Variants in P2RY12 observed in about 807,000 individuals in gnomAD.
The protein encoded by P2RY12 is P2Y purinoceptor 12.
A neutral mutation model predicts 4.5 loss-of-function variants in P2RY12; 3 were observed. The ratio of observed to expected loss-of-function variants is 0.67; its 90% confidence interval spans 0.31 to 1.74. P2RY12 has a LOEUF of 1.74. Among genes scored for constraint, P2RY12 ranks in the 40% most tolerant of loss-of-function variants. P2RY12 has a pLI of 0.09. For synonymous variants in P2RY12, 148 were observed against 154.1 expected, an observed-to-expected ratio of 0.96 and a Z score of 0.29; for missense variants, 356 against 407.8, an observed-to-expected ratio of 0.87 and a Z score of 1.09.
intron 1 of P2RY12, among the ~76,000 whole-genome samples, chr3:151,357,043 C>T (rs993586418): frequency 6.6e-6 from 1 of 151,902 alleles, no homozygotes; most frequent in African/African-American, 2.4e-5. Context: ...GATGTCTAGA[C>T]AGAAGAACAA....
At chr3:151,355,845 A>G in intron 1 of P2RY12, 2 of 1,485,304 alleles carry the variant, frequency 1.3e-6, no homozygotes, top group Non-Finnish European at 1.8e-6. Context: ...ATCTTAGTAA[A>G]AGATTATTTA....
chr3:151,368,257 C>G, intron 1 of P2RY12: 27 of 1,610,288 alleles, frequency 1.7e-5, no homozygotes, highest in Non-Finnish European at 2.3e-5. Context: ...AACGGGTGAG[C>G]TGACTGCAGA....
At chr3:151,372,806 CTCT>C in intron 1 of P2RY12, 1 of 1,541,474 alleles carries the variant, frequency 6.5e-7, no homozygotes, top group Non-Finnish European at 9.0e-7. Context: ...GAGTACGTAA[CTCT>C]TCTTTTGGAG....
chr3:151,356,274 C>G (rs2150053938), intron 1 of P2RY12, among the ~76,000 whole-genome samples: 1 of 152,116 alleles, frequency 6.6e-6, no homozygotes, highest in East Asian at 1.9e-4. Context: ...TGCCTGTAGT[C>G]CCAGCTACTT....
intron 1 of P2RY12, among the ~76,000 whole-genome samples, chr3:151,384,452 A>G (rs1712959493): frequency 6.6e-6 from 1 of 152,218 alleles, no homozygotes; most frequent in Non-Finnish European, 1.5e-5. Context: ...TTTTTTAAAG[A>G]ACTTTAGAAA....
rs769622362 is a variant in P2RY12 at position 151,338,227 on chromosome 3, C to A, written c.619G>T (p.Val207Leu). The A allele has an allele frequency of 3.6e-5, 58 of 1,613,896 alleles. No individual in the cohort carries two copies. The highest frequency in any genetic ancestry group is 4.7e-5 in the Non-Finnish European group (56 of 1,179,986). ...IFWINFLIVIVCYTLITKELY... is the reference protein window; with the variant it reads ...IFWINFLIVILCYTLITKELY... ...TCTTTTGTAATGAGTGTATAACATA[C>A]AATAACAATTAAGAAATTAATCCAG... is the stretch of plus-strand genomic sequence containing the variant. Residue 207 changes from valine (V) to leucine (L), a missense_variant, in exon 3 of 3, where the codon GTA (valine) becomes TTA (leucine). Coordinates refer to ENST00000302632, the MANE Select transcript of P2RY12 (RefSeq NM_022788.5).
intron 1 of P2RY12, chr3:151,357,123 G>T: frequency 9.3e-7 from 1 of 1,071,682 alleles, no homozygotes; most frequent in Non-Finnish European, 1.3e-6. Context: ...GTAGTGTAAT[G>T]ACTCAGTATA....
chr3:151,360,590 T>C, intron 1 of P2RY12: 1 of 1,612,328 alleles, frequency 6.2e-7, no homozygotes, highest in Non-Finnish European at 8.5e-7. Context: ...AGAAGTAAAT[T>C]TGGAGACCTC....
At chr3:151,365,318 C>A in intron 1 of P2RY12, 2 of 851,292 alleles carry the variant, frequency 2.3e-6, no homozygotes, top group Non-Finnish European at 3.8e-6. Context: ...CTATCATTTG[C>A]TTTTTCTAAA....
intron 1 of P2RY12, among the ~76,000 whole-genome samples, chr3:151,367,209 C>T (rs1755393865): frequency 6.6e-6 from 1 of 152,074 alleles, no homozygotes; most frequent in African/African-American, 2.4e-5. Flanking sequence ...TAGTAGTTAC[C>T]ACTGAAAGGA....
At chr3:151,377,934 G>C in intron 1 of P2RY12, 1 of 1,378,876 alleles carries the variant, frequency 7.3e-7, no homozygotes, top group South Asian at 1.6e-5. Context: ...TCAAAGTTTC[G>C]CTTTGGAGTT....
In P2RY12 at chr3:151,351,025, G is replaced by A. The variant is rs184318687; in HGVS notation, c.-179-10265C>T. 1.0e-3 allele frequency among the ~76,000 whole-genome samples: 155 copies of A among 152,248 alleles called. 1 individual carries two copies. Among genetic ancestry groups the A allele is most frequent in the Admixed American group, 1.1e-3 (17 of 15,290 alleles). On this transcript the variant is annotated intron_variant, in intron 1 of 2. Transcript: ENST00000302632. The stretch of plus-strand genomic sequence containing the variant: ...AATACTTAAATCATAGAAGGAAAAA[G>A]AAAGTTTGTGTTTACTCTATGTAAA...
chr3:151,346,756 C>T (rs1752597812), intron 1 of P2RY12, among the ~76,000 whole-genome samples: 1 of 152,096 alleles, frequency 6.6e-6, no homozygotes. Flanking sequence ...GAAGGTTTTG[C>T]ACCCCTCCCA....
In P2RY12 at chr3:151,365,042, G is replaced by A. The variant is rs760794855; in HGVS notation, c.-180+19650C>T. On this transcript the variant is annotated intron_variant, in intron 1 of 2. Coordinates refer to ENST00000302632, the MANE Select transcript of P2RY12 (RefSeq NM_022788.5). ...ACGTGATGCCTGCAAATTCGAACTT[G>A]CGATGGGATCCAGACTTCATGATGG... The A allele has an allele frequency of 1.9e-5, 30 of 1,613,960 alleles. No individual in the cohort carries two copies. The Admixed American group carries it at 4.2e-4, about 22-fold the overall frequency.
Position 151,372,585 on chromosome 3 carries a change from A to G in P2RY12, c.-180+12107T>C, listed in dbSNP as rs371550701. The stretch of plus-strand genomic sequence containing the variant: ...TACTTAGGAGATGCCAAAATTGGCA[A>G]TAACAGTGTCAGCTCTTTAAAGAAT... On this transcript the variant is annotated intron_variant, in intron 1 of 2. Coordinates refer to ENST00000302632, the MANE Select transcript of P2RY12 (RefSeq NM_022788.5). The G allele has an allele frequency of 1.2e-5, 19 of 1,613,704 alleles. No individual in the cohort carries two copies. The highest frequency in any genetic ancestry group is 3.3e-5 in the South Asian group (3 of 91,078).
chr3:151,360,088 A>G (rs1754424471), intron 1 of P2RY12, among the ~76,000 whole-genome samples: 1 of 152,172 alleles, frequency 6.6e-6, no homozygotes, highest in South Asian at 2.1e-4. Flanking sequence ...TTTACAAAGG[A>G]GAAAACTTGG....
In P2RY12 at chr3:151,376,363, T is replaced by C. The variant is rs548380470; in HGVS notation, c.-180+8329A>G. ...ACATTTTCTGTGGAATTGACATACT[T>C]TATTTTTGGGTGGATGTACATGCTG... On this transcript the variant is annotated intron_variant, in intron 1 of 2. Coordinates refer to ENST00000302632, the MANE Select transcript of P2RY12 (RefSeq NM_022788.5). 1.8e-4 allele frequency: 111 copies of C among 633,304 alleles called. No individual in the cohort carries two copies. The African/African-American group carries it at 2.0e-3, about 11-fold the overall frequency. The allele number at this position is 633,304 out of a possible 1,614,324, so 39.2% of individuals were successfully genotyped here. A position where few individuals can be genotyped will look rare whatever the true frequency, so the allele number is the denominator to read the frequency against.
intron 1 of P2RY12, chr3:151,382,710 A>T: frequency 6.2e-7 from 1 of 1,612,870 alleles, no homozygotes; most frequent in Non-Finnish European, 8.5e-7. Context: ...AGCGCGGCAG[A>T]TGATGCACGA....
At chr3:151,372,505 C>T (rs1231782607) in intron 1 of P2RY12, 19 of 1,216,888 alleles carry the variant, frequency 1.6e-5, no homozygotes, top group Middle Eastern at 1.9e-4. Context: ...CTCATTTGCT[C>T]CTCAATTATT....
Sources: gnomAD v4.1 joint callset for allele counts (sites outside exome capture counted in the v4.1 genomes callset) on GRCh38, gnomAD v4.1.1 for gene constraint, MANE v1.5 for transcripts, NCBI Gene and HGNC (gene_info 2026-07-23, HGNC 2026-07-21) for gene names.